The following VPS13B variants were observed in gnomAD, a reference collection of about 807,000 sequenced individuals.
VPS13B encodes intermembrane lipid transfer protein VPS13B.
VPS13B carries 285 observed loss-of-function variants against 426.4 expected under a neutral mutation model. The ratio of observed to expected loss-of-function variants is 0.67; its 90% CI spans 0.61 to 0.74. VPS13B has a LOEUF of 0.74. VPS13B is among the 30% of genes least tolerant of loss of function. The pLI is 0.00. For missense variants in VPS13B, 4,537 were observed against 4,782.6 expected (o/e 0.95, Z 1.51); for synonymous variants, 1,676 against 1,676.4 (o/e 1.00, Z 0.01).
chr8:99,623,962 G>A (rs540722114), intron 33 of VPS13B, among the ~76,000 whole-genome samples: 1 of 140,660 alleles, frequency 7.1e-6, no homozygotes, highest in South Asian at 2.3e-4. Context: ...GGTTGTTAGA[G>A]TTAAAGGTAA....
At chr8:99,462,668 G>A (rs933147042) in intron 23 of VPS13B, among the ~76,000 whole-genome samples, 4 of 152,054 alleles carry the variant, frequency 2.6e-5, no homozygotes, top group Non-Finnish European at 4.4e-5. Context: ...TTGAATATTT[G>A]TGTTCCCTCA....
intron 5 of VPS13B, among the ~76,000 whole-genome samples, chr8:99,105,614 A>G (rs188428102): frequency 3.3e-4 from 50 of 152,242 alleles, no homozygotes; most frequent in African/African-American, 1.2e-3. Flanking sequence ...CCTGACCTCA[A>G]GTGATCTGCC....
intron 19 of VPS13B, among the ~76,000 whole-genome samples, chr8:99,366,810 C>T (rs577224969): frequency 3.3e-5 from 5 of 152,026 alleles, no homozygotes; most frequent in South Asian, 2.1e-4. Flanking sequence ...TATCTTATAA[C>T]GCATTATTTT....
At chr8:99,224,797 A>G (rs1004758010) in intron 17 of VPS13B, among the ~76,000 whole-genome samples, 1 of 152,072 alleles carries the variant, frequency 6.6e-6, no homozygotes, top group African/African-American at 2.4e-5. Context: ...TCATAACATT[A>G]TGTTTTAAAA....
At chr8:99,757,637 CA>C in intron 39 of VPS13B, among the ~76,000 whole-genome samples, 1 of 152,144 alleles carries the variant, frequency 6.6e-6, no homozygotes, top group Non-Finnish European at 1.5e-5. Flanking sequence ...TTCTTTGTAC[CA>C]AAAATATTTT....
At chr8:99,178,865 A>C (rs1032298144) in intron 16 of VPS13B, among the ~76,000 whole-genome samples, 1 of 151,942 alleles carries the variant, frequency 6.6e-6, no homozygotes, top group African/African-American at 2.4e-5. Flanking sequence ...CAAGTGAGCC[A>C]CCCGCCTCGG....
chr8:99,350,627 G>A (rs1347913838), intron 19 of VPS13B, among the ~76,000 whole-genome samples: 2 of 151,986 alleles, frequency 1.3e-5, no homozygotes, highest in East Asian at 3.8e-4. Context: ...GCACAAAGAT[G>A]CAATGAAAAA....
At chr8:99,757,652 A>G (rs1439465248) in intron 39 of VPS13B, among the ~76,000 whole-genome samples, 1 of 152,230 alleles carries the variant, frequency 6.6e-6, no homozygotes, top group Non-Finnish European at 1.5e-5. Flanking sequence ...ATATTTTTAA[A>G]TGGCCAACAC....
chr8:99,068,556 GT>G (rs1844674540), intron 3 of VPS13B, among the ~76,000 whole-genome samples: 1 of 152,120 alleles, frequency 6.6e-6, no homozygotes, highest in Non-Finnish European at 1.5e-5. Flanking sequence ...ATATTAGGCC[GT>G]TTTCACACTG....
At chr8:99,413,021 T>C (rs1020975358) in intron 21 of VPS13B, among the ~76,000 whole-genome samples, 10 of 152,186 alleles carry the variant, frequency 6.6e-5, no homozygotes, top group Admixed American at 5.2e-4. Context: ...TGAAATTTTC[T>C]TTTTTTGTTG....
chr8:99,442,343 G>C (rs551491710), intron 22 of VPS13B, 58 bp from the exon 23 acceptor site: 1 of 1,430,194 alleles, frequency 7.0e-7, no homozygotes, highest in Non-Finnish European at 9.9e-7. Flanking sequence ...AAGATGTTAG[G>C]TGTTTGAAGG....
chr8:99,404,836 A>G (rs1196279780), intron 21 of VPS13B, among the ~76,000 whole-genome samples: 1 of 152,198 alleles, frequency 6.6e-6, no homozygotes, highest in Admixed American at 6.5e-5. Flanking sequence ...TAAAATGATG[A>G]TAAGTTTACC....
intron 43 of VPS13B, among the ~76,000 whole-genome samples, chr8:99,792,077 A>G (rs1484534178): frequency 6.6e-6 from 1 of 152,188 alleles, no homozygotes; most frequent in Non-Finnish European, 1.5e-5. Context: ...TTTGTACCCA[A>G]GGCTTAAAGA....
At chr8:99,384,131 T>C in intron 19 of VPS13B, 77 bp from the exon 20 acceptor site, 1 of 1,179,502 alleles carries the variant, frequency 8.5e-7, no homozygotes, top group Non-Finnish European at 1.3e-6. Context: ...ATAGCTATCC[T>C]ACATGGTGTA....
chr8:99,200,272 A>G (rs1468617552), intron 17 of VPS13B, among the ~76,000 whole-genome samples: 1 of 152,112 alleles, frequency 6.6e-6, no homozygotes, highest in Non-Finnish European at 1.5e-5. Context: ...CATTTTATCC[A>G]TATACCATAT....
chr8:99,521,653 A>G (rs921477348), intron 30 of VPS13B, among the ~76,000 whole-genome samples: 1 of 152,240 alleles, frequency 6.6e-6, no homozygotes, highest in Non-Finnish European at 1.5e-5. Flanking sequence ...ACAGTTGCAA[A>G]TAATACCAAG....
In VPS13B at chr8:99,546,492, A is replaced by G. The variant is rs78941192; in HGVS notation, c.4746-9958A>G. Among the ~76,000 whole-genome samples the G allele has an allele frequency of 2.6e-3, 389 of 152,100 alleles. 1 individual carries two copies. Among genetic ancestry groups the G allele is most frequent in the Middle Eastern group, 0.014 (4 of 294 alleles). ...TTATAGTCAGAAGGTGTGGTTTCCC[A>G]TTTGGACTATGCTGTTTCTCATCCT... On this transcript the variant is annotated intron_variant, in intron 30 of 61. Transcript: ENST00000357162.
intron 3 of VPS13B, among the ~76,000 whole-genome samples, chr8:99,072,042 T>C (rs879902783): frequency 1.1e-4 from 16 of 151,976 alleles, no homozygotes; most frequent in South Asian, 4.1e-4. Context: ...CTGGGGACCC[T>C]AGCAGCCTTC....
chr8:99,673,304 A>G (rs1830794106), intron 35 of VPS13B, among the ~76,000 whole-genome samples: 1 of 151,960 alleles, frequency 6.6e-6, no homozygotes, highest in Non-Finnish European at 1.5e-5. Context: ...TTCTATCTCC[A>G]TACTCATTAT....
Sources: allele counts gnomAD v4.1 joint callset (sites outside exome capture counted in the v4.1 genomes callset), GRCh38; gene constraint gnomAD v4.1.1; transcripts MANE v1.5; gene names NCBI Gene and HGNC (gene_info 2026-07-23, HGNC 2026-07-21).